Variants in CERS4 observed in about 807,000 individuals in gnomAD.
The protein encoded by CERS4 is ceramide synthase 4, also known as LAG1 homolog, ceramide synthase 4.
CERS4 carries 65 observed loss-of-function variants against 51.8 expected under a neutral mutation model. The observed-to-expected ratio is 1.26, with a 90% confidence interval of 1.03 to 1.54. The LOEUF is 1.54. Ranked by LOEUF, CERS4 falls within the 40% of genes most tolerant of loss-of-function variation. The pLI is 0.00. For missense variants in CERS4, 563 were observed against 500.4 expected (o/e 1.13, Z -1.19); for synonymous variants, 228 against 208.4 (o/e 1.09, Z -0.81).
intron 2 of CERS4, among the ~76,000 whole-genome samples, chr19:8,232,745 C>T (rs7246804): frequency 0.43 from 63,405 of 147,836 alleles, 14,058 homozygotes; most frequent in Non-Finnish European, 0.48. Context: ...TTTTGAGACA[C>T]GGTCTCACCC....
At chr19:8,254,669 T>TGGGGATGGTGTGTGGCCC (rs1317784032) in intron 4 of CERS4, 53 bp downstream of exon 4, 3 of 1,495,062 alleles carry the variant, frequency 2.0e-6, no homozygotes, top group Non-Finnish European at 2.7e-6. Context: ...GGGTGGGGCG[T>TGGGGATGGTGTGTGGCCC]GGGGATGGTG....
intron 10 of CERS4, among the ~76,000 whole-genome samples, chr19:8,259,867 C>A (rs1445550647): frequency 6.6e-6 from 1 of 152,222 alleles, no homozygotes; most frequent in Non-Finnish European, 1.5e-5. Context: ...TCTCAGTCCT[C>A]GGGCTTCCTG....
chr19:8,255,830 T>G lies in CERS4; in HGVS notation c.419T>G (p.Phe140Cys). The change falls in exon 6 of 12, where the codon TTT becomes TGT. Residue 140 changes from phenylalanine to cysteine, a missense_variant. Phe to Cys is a radical substitution (Grantham distance 205, BLOSUM62 -2). Coordinates refer to ENST00000251363, the MANE Select transcript of CERS4 (RefSeq NM_024552.3). ...TKKFCEASWR[F>C]LFYLSSFVGG... is the part of the protein sequence containing the mutation. ...TCCCTCCCCATCCACAGCTGGAGGT[T>G]TCTCTTCTACCTGTCCTCCTTCGTG... 1 of 1,613,992 alleles carries G rather than the reference T, an allele frequency of 6.2e-7. No individual in the cohort carries two copies. Among genetic ancestry groups the G allele is most frequent in the Non-Finnish European group, 8.5e-7 (1 of 1,180,020 alleles).
chr19:8,254,531 G>A lies in CERS4; in HGVS notation c.206G>A (p.Gly69Asp). The A allele has an allele frequency of 2.5e-6, 4 of 1,613,770 alleles. No homozygotes were observed. Among genetic ancestry groups the A allele is most frequent in the East Asian group, 2.2e-5 (1 of 44,870 alleles). Residue 69 changes from glycine to aspartate, a missense_variant, in exon 4 of 12, where the codon GGT becomes GAT. Physicochemically the swap from Gly to Asp is moderately conservative, Grantham distance 94. Coordinates refer to ENST00000251363, the MANE Select transcript of CERS4 (RefSeq NM_024552.3). Reference protein sequence around the residue: ...FIGLPLSRWLGVRDQTRRQVK... With the variant: ...FIGLPLSRWLDVRDQTRRQVK... Reference sequence around the variant, plus strand: ...GGCCTGCCCCTGAGCCGGTGGCTGGGTGTGAGGGATCAGACCAGGAGGCAA... The same window carrying A: ...GGCCTGCCCCTGAGCCGGTGGCTGGATGTGAGGGATCAGACCAGGAGGCAA...
chr19:8,239,885 G>A (rs951859549), intron 2 of CERS4, among the ~76,000 whole-genome samples: 1 of 152,106 alleles, frequency 6.6e-6, no homozygotes, highest in Non-Finnish European at 1.5e-5. Flanking sequence ...CCTGTCTGAG[G>A]CTCTGAGGAT....
chr19:8,248,950 A>G (rs1968921917), intron 2 of CERS4, among the ~76,000 whole-genome samples: 2 of 144,530 alleles, frequency 1.4e-5, no homozygotes, highest in South Asian at 4.7e-4. Flanking sequence ...ATGATGGATA[A>G]TGGGTGGATG....
At chr19:8,209,916 T>G (rs1442918451) in intron 1 of CERS4, 1 of 152,332 alleles carries the variant, frequency 6.6e-6, no homozygotes, top group African/African-American at 2.4e-5. Context: ...AACACGTCAT[T>G]CCAAGCCCGA....
At chr19:8,243,507 TG>T (rs1401919062) in intron 2 of CERS4, among the ~76,000 whole-genome samples, 1 of 152,184 alleles carries the variant, frequency 6.6e-6, no homozygotes, top group Non-Finnish European at 1.5e-5. Context: ...CTTGACTGCT[TG>T]TTGGGTCACT....
rs141828554 is a variant in CERS4 at position 8,216,107 on chromosome 19, C to T, written c.-2+5245C>T. Among the ~76,000 whole-genome samples the T allele has an allele frequency of 2.7e-3, 416 of 152,154 alleles. 2 individuals are homozygous for T. The highest frequency in any genetic ancestry group is 9.4e-3 in the African/African-American group (392 of 41,526). ...TTAAAATTGTAGCCCTGCCAGGCAC[C>T]GTGGCTCACACCTGTAATCCCAGCA... On this transcript the variant is annotated intron_variant, in intron 2 of 11. Transcript: ENST00000251363.
In CERS4 at chr19:8,256,288, TG is replaced by T. The variant is rs780308983; in HGVS notation, c.519+3del. ...TGCTGGGACAGGTACCCAAACCAGGTGAGTGGCAGAGTGTGTGTGAATGCTT... is the reference window on the plus strand; with the variant it reads ...TGCTGGGACAGGTACCCAAACCAGGTAGTGGCAGAGTGTGTGTGAATGCTT... On this transcript the variant is annotated splice_donor_region_variant and intron_variant, in intron 7 of 11. Transcript: ENST00000251363. 2.7e-5 allele frequency: 43 copies of T among 1,613,336 alleles called. 1 individual carries two copies. In the South Asian group the frequency reaches 4.7e-4, roughly 18 times the overall value.
At chr19:8,259,918 C>T (rs575224078) in intron 10 of CERS4, among the ~76,000 whole-genome samples, 42 of 152,238 alleles carry the variant, frequency 2.8e-4, no homozygotes, top group African/African-American at 7.5e-4. Context: ...GCCCATGGAG[C>T]ATGAGAGTCA....
At chr19:8,247,734 T>A (rs73008774) in intron 2 of CERS4, among the ~76,000 whole-genome samples, 1 of 128,710 alleles carries the variant, frequency 7.8e-6, no homozygotes, top group African/African-American at 3.5e-5. Context: ...CTCCGCATCT[T>A]TTTTTTTTTT....
chr19:8,225,417 CTTTTTTTTT>C (rs35365775), intron 2 of CERS4, among the ~76,000 whole-genome samples: 2 of 113,886 alleles, frequency 1.8e-5, no homozygotes, highest in Non-Finnish European at 3.6e-5. Flanking sequence ...TCCAATAATT[CTTTTTTTTT>C]TTTTTTTTTT....
Position 8,261,756 on chromosome 19 carries a change from A to G in CERS4, c.917A>G (p.Asn306Ser). ...CCCTTCTTCGGCTACTACTTCTTCA[A>G]CGGGCTTCTGATGTTGCTGCAGCTG... ...RGPFFGYYFF[N>S]GLLMLLQLLH... The change falls in exon 11 of 12, where the codon AAC (asparagine) becomes AGC (serine). Residue 306 changes from asparagine (N) to serine (S), a missense_variant. Coordinates refer to ENST00000251363, the MANE Select transcript of CERS4 (RefSeq NM_024552.3). The G allele has an allele frequency of 1.2e-6, 2 of 1,613,982 alleles. No homozygotes were observed. The highest frequency in any genetic ancestry group is 1.7e-6 in the Non-Finnish European group (2 of 1,179,962).
intron 2 of CERS4, among the ~76,000 whole-genome samples, chr19:8,245,775 A>C (rs2145265890): frequency 6.6e-6 from 1 of 151,878 alleles, no homozygotes; most frequent in Non-Finnish European, 1.5e-5. Context: ...CCTGATCGCA[A>C]GTGATCCACT....
At chr19:8,243,553 A>G (rs1014666479) in intron 2 of CERS4, among the ~76,000 whole-genome samples, 1 of 151,936 alleles carries the variant, frequency 6.6e-6, no homozygotes, top group Non-Finnish European at 1.5e-5. Flanking sequence ...AGAGTATCCA[A>G]TGCTAGCAAC....
intron 2 of CERS4, among the ~76,000 whole-genome samples, chr19:8,230,985 T>G (rs931228690): frequency 6.6e-6 from 1 of 152,054 alleles, no homozygotes; most frequent in African/African-American, 2.4e-5. Context: ...GACTACAGGC[T>G]TATGCCACCA....
intron 2 of CERS4, among the ~76,000 whole-genome samples, chr19:8,249,573 G>T: frequency 6.8e-6 from 1 of 147,254 alleles, no homozygotes; most frequent in African/African-American, 2.5e-5. Context: ...AGATGGCCAG[G>T]AAAGGAACTC....
intron 2 of CERS4, among the ~76,000 whole-genome samples, chr19:8,249,021 GTGGATGGA>G (rs879848346): frequency 1.4e-5 from 2 of 147,420 alleles, no homozygotes; most frequent in South Asian, 4.3e-4. Context: ...GTTTGGATGG[GTGGATGGA>G]TGGATGATGG....
Sources: allele counts gnomAD v4.1 joint callset (sites outside exome capture counted in the v4.1 genomes callset), GRCh38; gene constraint gnomAD v4.1.1; transcripts MANE v1.5; gene names NCBI Gene and HGNC (gene_info 2026-07-23, HGNC 2026-07-21).